Variants in ZNF875 observed in about 807,000 individuals in gnomAD.
The protein encoded by ZNF875 is zinc finger protein 875, also known as HKR1, GLI-Kruppel zinc finger family member.
A neutral mutation model predicts 11.2 loss-of-function variants in ZNF875; 14 were observed. The ratio of observed to expected loss-of-function variants is 1.26; its 90% CI spans 0.83 to 1.96. The LOEUF (loss-of-function observed/expected upper bound fraction) is 1.96, where lower values mean the gene tolerates loss of function less well. Ranked by LOEUF, ZNF875 falls within the 30% of genes most tolerant of loss-of-function variation. ZNF875 has a pLI of 0.00. For synonymous variants in ZNF875, 301 were observed against 281.1 expected (o/e 1.07, Z -0.71); for missense variants, 752 against 760.4 (o/e 0.99, Z 0.13).
upstream of ZNF875, among the ~76,000 whole-genome samples, chr19:37,332,461 C>G (rs2033553089): frequency 6.6e-6 from 1 of 152,172 alleles, no homozygotes; most frequent in South Asian, 2.1e-4. Context: ...AGGTGATCTG[C>G]CCACCTTGGC....
intron 4 of ZNF875, among the ~76,000 whole-genome samples, chr19:37,355,941 CCT>C (rs1168325565): frequency 6.6e-6 from 1 of 152,100 alleles, no homozygotes; most frequent in African/African-American, 2.4e-5. Flanking sequence ...TCCTTTTTCC[CCT>C]GTTTTGGAGT....
In ZNF875 at chr19:37,363,279, A is replaced by C; in HGVS notation, c.1427A>C (p.Lys476Thr). The change falls in exon 5 of 5, where the codon AAG (lysine) becomes ACG (threonine). Residue 476 changes from lysine (K) to threonine (T), a missense_variant. Lys to Thr is a moderately conservative substitution (Grantham distance 78). Transcript: ENST00000392153. ...NKHQRSHTGEKPFVCTECGRG... is the reference protein window; with the variant it reads ...NKHQRSHTGETPFVCTECGRG... ...CACCAGAGGTCACACACGGGGGAGAAGCCATTTGTATGTACGGAGTGTGGG... is the reference window on the plus strand; with the variant it reads ...CACCAGAGGTCACACACGGGGGAGACGCCATTTGTATGTACGGAGTGTGGG... 4 of 1,613,658 alleles carry C rather than the reference A, an allele frequency of 2.5e-6. No individual in the cohort carries two copies. Among genetic ancestry groups the C allele is most frequent in the Non-Finnish European group, 3.4e-6 (4 of 1,179,686 alleles).
chr19:37,317,560 G>C (rs746380513), upstream of ZNF875, among the ~76,000 whole-genome samples: 14 of 152,232 alleles, frequency 9.2e-5, no homozygotes, highest in Non-Finnish European at 2.1e-4. Context: ...CAGGTGGGAC[G>C]GTCTCCAGCG....
At chr19:37,320,857 CATTTTGTTCTGTACTAAGAAAA>C (rs1169926743) in intron 1 of ZNF875, among the ~76,000 whole-genome samples, 1 of 152,180 alleles carries the variant, frequency 6.6e-6, no homozygotes, top group East Asian at 1.9e-4. Context: ...TAAGAGACTC[CATTTTGTTCTGTACTAAGAAAA>C]ATTATTCTGC....
chr19:37,315,450 G>T (rs1254987886), upstream of ZNF875: 7 of 152,162 alleles, frequency 4.6e-5, no homozygotes, highest in East Asian at 1.3e-3. Context: ...TGGAGGTATG[G>T]GCTTCTGGAC....
chr19:37,347,319 AAG>A lies in ZNF875; in HGVS notation c.160+5_160+6del. Reference sequence around the variant, plus strand: ...TTATAACCATCTGGTCTCACTGGGTAAGAATGGCCTCCCTTGGCACTTAAAAT... The same window carrying A: ...TTATAACCATCTGGTCTCACTGGGTAAATGGCCTCCCTTGGCACTTAAAAT... On this transcript the variant is annotated splice_donor_5th_base_variant and intron_variant, in intron 3 of 4. Transcript: ENST00000392153. 2 of 1,611,084 alleles carry A rather than the reference AAG, an allele frequency of 1.2e-6. No individual in the cohort carries two copies. The highest frequency in any genetic ancestry group is 1.7e-6 in the Non-Finnish European group (2 of 1,178,096).
upstream of ZNF875, among the ~76,000 whole-genome samples, chr19:37,332,909 A>G (rs1530500): frequency 0.88 from 134,157 of 152,236 alleles, 59,427 homozygotes; most frequent in African/African-American, 0.97. Context: ...TCAGATTTAC[A>G]AGGGTAACTC....
At chr19:37,360,369 T>A (rs1179593054) in intron 4 of ZNF875, among the ~76,000 whole-genome samples, 1 of 152,264 alleles carries the variant, frequency 6.6e-6, no homozygotes, top group East Asian at 1.9e-4. Context: ...TCCCCAACTT[T>A]ATTTTCTTTT....
In ZNF875 at chr19:37,363,525, G is replaced by A. The variant is rs774237721; in HGVS notation, c.1673G>A (p.Gly558Asp). 1 of 1,612,938 alleles carries A rather than the reference G, an allele frequency of 6.2e-7. No individual in the cohort carries two copies. ...TTTAGGCACAAGAGGGCACACTCAG[G>A]TGCCTTTGTGTGCAGGGAGTGTGGG... The part of the protein sequence containing the change: ...NLFRHKRAHS[G>D]AFVCRECGQG... The change falls in exon 5 of 5, where the codon GGT becomes GAT. Residue 558 changes from glycine to aspartate, a missense_variant. Physicochemically the swap from Gly to Asp is moderately conservative, Grantham distance 94 (BLOSUM62 -1). Coordinates refer to ENST00000392153, the MANE Select transcript of ZNF875 (RefSeq NM_001353803.2).
chr19:37,340,229 G>C (rs1452139081), intron 2 of ZNF875, among the ~76,000 whole-genome samples: 1 of 152,044 alleles, frequency 6.6e-6, no homozygotes, highest in Non-Finnish European at 1.5e-5. Context: ...TGAACTACCC[G>C]CCTCGGCCTC....
chr19:37,362,455 C>T lies in ZNF875; in HGVS notation c.603C>T (p.Ser201=), dbSNP rs1271687412. The part of the protein sequence containing the change: ...EDNTVVDIGS[S]PERRADLEET... ...ACACAGTGGTGGATATAGGGTCCAG[C>T]CCTGAACGGAGGGCAGATCTAGAGG... The change falls in exon 5 of 5, where the codon AGC becomes AGT. Residue 201 remains serine (S), a synonymous_variant. Coordinates refer to ENST00000392153, the MANE Select transcript of ZNF875 (RefSeq NM_001353803.2). 2 of 1,614,142 alleles carry T rather than the reference C, an allele frequency of 1.2e-6. No homozygotes were observed. Among genetic ancestry groups the T allele is most frequent in the South Asian group, 2.2e-5 (2 of 91,076 alleles).
At chr19:37,321,796 A>ACAT (rs1259822899) in intron 1 of ZNF875, among the ~76,000 whole-genome samples, 2 of 152,168 alleles carry the variant, frequency 1.3e-5, no homozygotes, top group Non-Finnish European at 2.9e-5. Flanking sequence ...GGGAGAGAGG[A>ACAT]CATCGATTCT....
intron 4 of ZNF875, among the ~76,000 whole-genome samples, chr19:37,327,362 A>G (rs867581436): frequency 7.2e-5 from 11 of 152,286 alleles, no homozygotes; most frequent in African/African-American, 2.4e-4. Context: ...TGACAGGTCT[A>G]TATGTTTTAG....
chr19:37,334,361 C>G (rs2033849509), upstream of ZNF875, among the ~76,000 whole-genome samples: 1 of 152,226 alleles, frequency 6.6e-6, no homozygotes, highest in South Asian at 2.1e-4. Flanking sequence ...ACTGGCCACC[C>G]GCAGAGCACC....
chr19:37,354,234 CT>C, intron 4 of ZNF875, among the ~76,000 whole-genome samples: 4 of 63,736 alleles, frequency 6.3e-5, no homozygotes, highest in African/African-American at 2.2e-4. Flanking sequence ...CCCTCCCCTC[CT>C]CTCCCCTCCT....
chr19:37,320,062 T>C (rs922137825), intron 1 of ZNF875, among the ~76,000 whole-genome samples: 1 of 152,064 alleles, frequency 6.6e-6, no homozygotes, highest in Non-Finnish European at 1.5e-5. Flanking sequence ...TAATTTTTTG[T>C]ATTTTCAGTA....
At chr19:37,336,800 C>T (rs866408022) in intron 2 of ZNF875, among the ~76,000 whole-genome samples, 5 of 151,326 alleles carry the variant, frequency 3.3e-5, no homozygotes, top group Non-Finnish European at 7.4e-5. Flanking sequence ...CCCAGCTACT[C>T]GGGAGGCTGA....
chr19:37,362,817 A>C lies in ZNF875; in HGVS notation c.965A>C (p.Lys322Thr), dbSNP rs1458952714. 1 of 1,613,938 alleles carries C rather than the reference A, an allele frequency of 6.2e-7. No individual in the cohort carries two copies. Among genetic ancestry groups the C allele is most frequent in the Non-Finnish European group, 8.5e-7 (1 of 1,179,972 alleles). The part of the protein sequence containing the change: ...CKDCGRGFTW[K>T]SNLFTHQRTH... ...GATTGTGGACGAGGCTTTACTTGGA[A>C]GTCGAACCTCTTTACACATCAGCGG... Residue 322 changes from lysine (K) to threonine (T), a missense_variant, in exon 5 of 5, where the codon AAG becomes ACG. Physicochemically the swap from Lys to Thr is moderately conservative, Grantham distance 78. Coordinates refer to ENST00000392153, the MANE Select transcript of ZNF875 (RefSeq NM_001353803.2).
At chr19:37,353,157 A>G (rs920843615) in intron 4 of ZNF875, among the ~76,000 whole-genome samples, 2 of 152,172 alleles carry the variant, frequency 1.3e-5, no homozygotes, top group Non-Finnish European at 2.9e-5. Context: ...TACAGGCGTG[A>G]GCCACCGCGC....
Sources: gnomAD v4.1 joint callset for allele counts (sites outside exome capture counted in the v4.1 genomes callset) on GRCh38, gnomAD v4.1.1 for gene constraint, MANE v1.5 for transcripts, NCBI Gene and HGNC (gene_info 2026-07-23, HGNC 2026-07-21) for gene names.